Variants in RNPEP observed in about 807,000 individuals in gnomAD.
RNPEP encodes the protein arginyl aminopeptidase.
In RNPEP, 57 loss-of-function variants were observed where a neutral mutation model predicts 70.1. The ratio of observed to expected loss-of-function variants is 0.81; its 90% confidence interval spans 0.66 to 1.01. The LOEUF is 1.01. Ranked by LOEUF, RNPEP falls within the 50% of genes least tolerant of loss-of-function variation. The pLI, the probability that RNPEP is intolerant of heterozygous loss-of-function variation, is 0.00. For synonymous variants in RNPEP, 335 were observed against 357.4 expected, an observed-to-expected ratio of 0.94 and a Z score of 0.71; for missense variants, 787 against 852.4, an observed-to-expected ratio of 0.92 and a Z score of 0.96.
intron 1 of RNPEP, among the ~76,000 whole-genome samples, chr1:201,988,457 CAAAAAAAAAAAAAAAA>C (rs142459545): frequency 4.4e-5 from 5 of 114,378 alleles, no homozygotes; most frequent in African/African-American, 1.7e-4. Flanking sequence ...TACTCTGTCT[CAAAAAAAAAAAAAAAA>C]AAAAAAAAAA....
chr1:201,990,714 C>T (rs560290994), intron 3 of RNPEP, among the ~76,000 whole-genome samples: 1 of 152,170 alleles, frequency 6.6e-6, no homozygotes, highest in Non-Finnish European at 1.5e-5. Flanking sequence ...GGCATCTGCT[C>T]CCAGCGCACA....
intron 8 of RNPEP, chr1:202,003,036 G>C (rs1204735244): frequency 3.6e-6 from 2 of 557,910 alleles, no homozygotes; most frequent in Non-Finnish European, 6.4e-6. Context: ...CACTTTCACG[G>C]TCGAAACGGC....
chr1:202,000,041 C>G (rs1476636948), intron 6 of RNPEP, 26 bp downstream of exon 6: 3 of 1,528,460 alleles, frequency 2.0e-6, no homozygotes, highest in Non-Finnish European at 2.7e-6. Context: ...CTGTCTGACA[C>G]CCACTCCCCT....
intron 1 of RNPEP, among the ~76,000 whole-genome samples, chr1:201,988,457 CAAAAAAAAAAAA>C (rs142459545): frequency 8.7e-6 from 1 of 114,378 alleles, no homozygotes; most frequent in African/African-American, 3.3e-5. Context: ...TACTCTGTCT[CAAAAAAAAAAAA>C]AAAAAAAAAA....
At position 201,982,700 on chromosome 1, in the gene RNPEP, G is replaced by A; in HGVS notation, c.34G>A (p.Ala12Thr). The A allele has an allele frequency of 1.4e-6, 2 of 1,395,654 alleles. No homozygotes were observed. Among genetic ancestry groups the A allele is most frequent in the Non-Finnish European group, 1.9e-6 (2 of 1,068,850 alleles). The allele number at this position is 1,395,654 out of a possible 1,614,324, so 86.5% of individuals were successfully genotyped here. A position where few individuals can be genotyped will look rare whatever the true frequency, so the allele number is the denominator to read the frequency against. The change falls in exon 1 of 11, where the codon GCG becomes ACG. Residue 12 changes from alanine to threonine, a missense_variant. Transcript: ENST00000295640. ...CGGCGAGCATTCCCCCGGCAGCGGC[G>A]CGGCCCGGCGGCCGCTGCACTCCGC... Reference protein sequence around the residue: ...ASGEHSPGSGAARRPLHSAQA... With the variant: ...ASGEHSPGSGTARRPLHSAQA...
chr1:201,989,199 G>A (rs541952789), intron 2 of RNPEP, among the ~76,000 whole-genome samples, 155 bp downstream of exon 2: 50 of 152,316 alleles, frequency 3.3e-4, no homozygotes, highest in Non-Finnish European at 6.0e-4. Flanking sequence ...TACTGAAGTT[G>A]TATGTAGCCT....
chr1:201,984,235 C>T (rs943069617), intron 1 of RNPEP, among the ~76,000 whole-genome samples: 2 of 152,140 alleles, frequency 1.3e-5, no homozygotes, highest in Admixed American at 1.3e-4. Flanking sequence ...GCCCGGCCCA[C>T]AGCTTGGTTT....
At chr1:202,002,473 C>T (rs559913024) in intron 8 of RNPEP, among the ~76,000 whole-genome samples, 1 of 152,288 alleles carries the variant, frequency 6.6e-6, no homozygotes, top group East Asian at 1.9e-4. Context: ...CCAGTTTCTG[C>T]CTGGGAGGTA....
chr1:201,985,891 TC>T (rs1173822520), intron 1 of RNPEP, among the ~76,000 whole-genome samples: 1 of 152,208 alleles, frequency 6.6e-6, no homozygotes, highest in African/African-American at 2.4e-5. Flanking sequence ...TGTGACAGTT[TC>T]TCAAACTTTC....
intron 1 of RNPEP, among the ~76,000 whole-genome samples, chr1:201,987,954 A>G (rs12723374): frequency 0.15 from 22,774 of 151,174 alleles, 1,819 homozygotes; most frequent in Admixed American, 0.2. Context: ...CAGCCTGACC[A>G]ACATGATGAA....
In RNPEP at chr1:202,003,282, A is replaced by G. The variant is rs1164038149; in HGVS notation, c.1472A>G (p.Tyr491Cys). ...RWLNTPGWPPYLPDLSPGDSL... is the reference protein window; with the variant it reads ...RWLNTPGWPPCLPDLSPGDSL... ...CTGAATACCCCCGGCTGGCCCCCGT[A>G]CCTCCCTGATCTCTCCCCTGGGGAC... is the stretch of plus-strand genomic sequence containing the variant. Residue 491 changes from tyrosine (Y) to cysteine (C), a missense_variant, in exon 9 of 11, where the codon TAC becomes TGC. Transcript: ENST00000295640. The G allele has an allele frequency of 6.2e-7, 1 of 1,613,498 alleles. No homozygotes were observed. The highest frequency in any genetic ancestry group is 1.3e-5 in the African/African-American group (1 of 74,742).
Position 201,988,952 on chromosome 1 carries a change from G to C in RNPEP, c.496G>C (p.Val166Leu), listed in dbSNP as rs762502906. The C allele has an allele frequency of 2.1e-5, 34 of 1,613,806 alleles. No individual in the cohort carries two copies. The highest frequency in any genetic ancestry group is 1.0e-4 in the Admixed American group (6 of 59,968). The change falls in exon 2 of 11, where the codon GTG becomes CTG. Residue 166 changes from valine to leucine, a missense_variant. Val to Leu is a conservative substitution (Grantham distance 32). Transcript: ENST00000295640. ...EQTAGKKKPFVYTQGQAVLNR... is the reference protein window; with the variant it reads ...EQTAGKKKPFLYTQGQAVLNR... ...GACAGCAGGAAAGAAGAAGCCCTTC[G>C]TGTACACCCAGGGCCAGGCTGTCCT...
Position 202,005,749 on chromosome 1 carries a change from C to A in RNPEP, c.*33C>A. The A allele has an allele frequency of 6.2e-7, 1 of 1,607,176 alleles. No individual in the cohort carries two copies. The highest frequency in any genetic ancestry group is 1.7e-5 in the Admixed American group (1 of 59,666). The stretch of plus-strand genomic sequence containing the variant: ...TGTGCATGGCCCCTGCCTCTTCAGG[C>A]TCTCCAGGCTTTCAGAATAATTGTT... On this transcript the variant is annotated 3_prime_UTR_variant, in exon 11 of 11. Coordinates refer to ENST00000295640, the MANE Select transcript of RNPEP (RefSeq NM_020216.4).
intron 3 of RNPEP, among the ~76,000 whole-genome samples, chr1:201,992,868 T>TG: frequency 6.6e-6 from 1 of 152,196 alleles, no homozygotes; most frequent in East Asian, 1.9e-4. Context: ...TAGACATGTG[T>TG]GGGGTTTTCC....
At chr1:202,003,049 AG>A (rs1683895515) in intron 8 of RNPEP, 187 bp from the exon 9 acceptor site, 1 of 578,024 alleles carries the variant, frequency 1.7e-6, no homozygotes, top group African/African-American at 1.9e-5. Context: ...GAAACGGCAC[AG>A]TCTCTAGATG....
In RNPEP at chr1:201,988,918, T is replaced by C. The variant is rs777536062; in HGVS notation, c.462T>C (p.Ala154=). 1.2e-6 allele frequency: 2 copies of C among 1,611,824 alleles called. No homozygotes were observed. Among genetic ancestry groups the C allele is most frequent in the South Asian group, 2.2e-5 (2 of 90,754 alleles). Residue 154 remains alanine (A), a synonymous_variant, in exon 2 of 11, where the codon GCT becomes GCC. Transcript: ENST00000295640. ...TTTTCGCTTAGGTTTGCTGGTTGGC[T>C]CCCGAGCAGACAGCAGGAAAGAAGA... The part of the protein sequence containing the change: ...VGEGPGVCWL[A]PEQTAGKKKP...
intron 5 of RNPEP, among the ~76,000 whole-genome samples, chr1:201,998,364 C>A (rs1339375624): frequency 6.6e-6 from 1 of 151,544 alleles, no homozygotes; most frequent in African/African-American, 2.4e-5. Context: ...CCCCCACATC[C>A]CACTCCCTGT....
chr1:201,986,331 G>T (rs771878861), intron 1 of RNPEP, among the ~76,000 whole-genome samples: 1 of 152,018 alleles, frequency 6.6e-6, no homozygotes, highest in Non-Finnish European at 1.5e-5. Flanking sequence ...CTGGCCTCAA[G>T]CGATCCTCCT....
At chr1:201,996,508 T>TGTGTGTGTGTGTGTGTGTGTGTG (rs1571636222) in intron 4 of RNPEP, 4 of 369,048 alleles carry the variant, frequency 1.1e-5, no homozygotes, top group African/African-American at 4.4e-5. Flanking sequence ...TGTGTGTGTG[T>TGTGTGTGTGTGTGTGTGTGTGTG]TTTGAGATGG....
Sources: gnomAD v4.1 joint callset for allele counts (sites outside exome capture counted in the v4.1 genomes callset) on GRCh38, gnomAD v4.1.1 for gene constraint, MANE v1.5 for transcripts, NCBI Gene and HGNC (gene_info 2026-07-23, HGNC 2026-07-21) for gene names.